The following LRMDA variants were observed in gnomAD, a reference collection of about 807,000 sequenced individuals.
The protein encoded by LRMDA is leucine-rich melanocyte differentiation-associated protein.
A neutral mutation model predicts 29.8 loss-of-function variants in LRMDA; 18 were observed. The observed-to-expected ratio is 0.60, with a 90% confidence interval of 0.42 to 0.90. The LOEUF (loss-of-function observed/expected upper bound fraction) is 0.90, where lower values mean the gene tolerates loss of function less well. Ranked by LOEUF, LRMDA falls within the 40% of genes least tolerant of loss-of-function variation. The pLI is 0.00. For synonymous variants in LRMDA, 125 were observed against 109.4 expected (o/e 1.14, Z -0.89); for missense variants, 273 against 273.9 (o/e 1.00, Z 0.02).
chr10:76,058,300 G>A (rs1372560124), intron 4 of LRMDA, among the ~76,000 whole-genome samples: 1 of 152,156 alleles, frequency 6.6e-6, no homozygotes, highest in Non-Finnish European at 1.5e-5. Flanking sequence ...TCAATTTATA[G>A]GTTTATTTTA....
chr10:76,547,036 G>C (rs1341439839), intron 6 of LRMDA, among the ~76,000 whole-genome samples: 2 of 152,114 alleles, frequency 1.3e-5, no homozygotes, highest in East Asian at 3.9e-4. Flanking sequence ...GACAATGCTA[G>C]GTAGATTTGT....
intron 2 of LRMDA, among the ~76,000 whole-genome samples, chr10:75,483,260 T>C (rs1844872971): frequency 6.6e-6 from 1 of 152,196 alleles, no homozygotes. Flanking sequence ...CATTTCTTTA[T>C]ATAGATTGCT....
intron 2 of LRMDA, among the ~76,000 whole-genome samples, chr10:75,806,247 C>T (rs1263427374): frequency 6.6e-6 from 1 of 152,180 alleles, no homozygotes; most frequent in Non-Finnish European, 1.5e-5. Context: ...GATTGTAATT[C>T]AACATGAGAT....
chr10:76,207,685 C>T lies in LRMDA; in HGVS notation c.517-116716C>T, dbSNP rs139442374. On this transcript the variant is annotated intron_variant, in intron 5 of 6. Coordinates refer to ENST00000611255, the MANE Select transcript of LRMDA (RefSeq NM_001305581.2). ...TCCATAAAATATGCTCACTGGTGGT[C>T]GGGTGTGGTGGCTCATGCCTGTAAT... 4.4e-3 allele frequency among the ~76,000 whole-genome samples: 667 copies of T among 152,176 alleles called. 8 individuals are homozygous for T. The highest frequency in any genetic ancestry group is 0.015 in the African/African-American group (625 of 41,550).
At chr10:75,480,716 A>G (rs1167702793) in intron 2 of LRMDA, among the ~76,000 whole-genome samples, 3 of 152,238 alleles carry the variant, frequency 2.0e-5, no homozygotes, top group Admixed American at 6.5e-5. Context: ...TACTTTAGAA[A>G]GATCACTGTG....
At chr10:75,544,199 T>A (rs1032096634) in intron 2 of LRMDA, among the ~76,000 whole-genome samples, 1 of 152,200 alleles carries the variant, frequency 6.6e-6, no homozygotes, top group African/African-American at 2.4e-5. Context: ...AGATTAGTAT[T>A]AATGGAGCTT....
chr10:76,450,000 T>C (rs537405256), intron 6 of LRMDA, among the ~76,000 whole-genome samples: 41 of 152,226 alleles, frequency 2.7e-4, no homozygotes, highest in African/African-American at 8.9e-4. Flanking sequence ...TTAATTGATT[T>C]CAAAGTTCCT....
intron 6 of LRMDA, among the ~76,000 whole-genome samples, chr10:76,390,670 A>C (rs906394212): frequency 3.9e-5 from 6 of 152,060 alleles, no homozygotes; most frequent in Non-Finnish European, 7.4e-5. Context: ...CAAAATCCTT[A>C]AACTGCCTGT....
At chr10:76,054,961 G>A (rs994742833) in intron 4 of LRMDA, among the ~76,000 whole-genome samples, 1 of 149,714 alleles carries the variant, frequency 6.7e-6, no homozygotes, top group African/African-American at 2.5e-5. Flanking sequence ...CTACTTGGGA[G>A]GCTGAGACAG....
intron 2 of LRMDA, among the ~76,000 whole-genome samples, chr10:75,521,562 G>T (rs1845359479): frequency 6.6e-6 from 1 of 152,210 alleles, no homozygotes; most frequent in African/African-American, 2.4e-5. Flanking sequence ...TAGACCATGG[G>T]AAAAGTGCAG....
intron 6 of LRMDA, among the ~76,000 whole-genome samples, chr10:76,430,926 T>A (rs1842184179): frequency 6.6e-6 from 1 of 152,196 alleles, no homozygotes; most frequent in Admixed American, 6.5e-5. Flanking sequence ...TTATATCCAT[T>A]TCTCCATCTG....
intron 2 of LRMDA, among the ~76,000 whole-genome samples, chr10:75,977,304 G>A (rs752688672): frequency 5.9e-5 from 9 of 152,216 alleles, no homozygotes; most frequent in East Asian, 1.9e-4. Context: ...TATGCTTTTC[G>A]TAATGTTGCA....
At chr10:75,806,694 C>A (rs1286781081) in intron 2 of LRMDA, among the ~76,000 whole-genome samples, 2 of 150,730 alleles carry the variant, frequency 1.3e-5, no homozygotes, top group South Asian at 4.2e-4. Flanking sequence ...CCGAGTACCC[C>A]TTACAAATTG....
intron 2 of LRMDA, among the ~76,000 whole-genome samples, chr10:75,446,266 G>C (rs987350285): frequency 6.6e-6 from 1 of 152,234 alleles, no homozygotes; most frequent in Non-Finnish European, 1.5e-5. Flanking sequence ...TTGGTTAACT[G>C]ACTGTGGGCT....
intron 2 of LRMDA, among the ~76,000 whole-genome samples, chr10:75,706,362 G>A (rs1404823531): frequency 2.6e-5 from 4 of 152,036 alleles, no homozygotes; most frequent in Non-Finnish European, 5.9e-5. Flanking sequence ...TTGGGCTGAT[G>A]AGACACCATT....
At chr10:76,447,395 A>C (rs1006159253) in intron 6 of LRMDA, among the ~76,000 whole-genome samples, 1 of 152,106 alleles carries the variant, frequency 6.6e-6, no homozygotes, top group Non-Finnish European at 1.5e-5. Flanking sequence ...TTCTGTGGAT[A>C]TCTTCTTGGT....
chr10:75,830,721 C>T (rs966201831), intron 2 of LRMDA, among the ~76,000 whole-genome samples: 1 of 152,184 alleles, frequency 6.6e-6, no homozygotes, highest in Non-Finnish European at 1.5e-5. Flanking sequence ...GGTGGGGACA[C>T]AGAGTCAAAC....
chr10:75,858,600 T>C (rs116779151), intron 2 of LRMDA, among the ~76,000 whole-genome samples: 3,555 of 152,278 alleles, frequency 0.023, 132 homozygotes, highest in African/African-American at 0.081. Context: ...GCCACAGTCC[T>C]TGCTCTACAT....
Position 75,864,409 on chromosome 10 carries a change from C to T in LRMDA, c.132-171599C>T, listed in dbSNP as rs143849986. ...CCTGAGTGTGAGTCCTAACCCTTCCCAAGACACAGAGGCCTAGGGGAACCT... is the reference window on the plus strand; with the variant it reads ...CCTGAGTGTGAGTCCTAACCCTTCCTAAGACACAGAGGCCTAGGGGAACCT... On this transcript the variant is annotated intron_variant, in intron 2 of 6. Transcript: ENST00000611255. 1.5e-3 allele frequency among the ~76,000 whole-genome samples: 224 copies of T among 152,254 alleles called. 1 individual carries two copies. In the South Asian group the frequency reaches 0.018, roughly 13 times the overall value.
Sources: allele counts gnomAD v4.1 joint callset (sites outside exome capture counted in the v4.1 genomes callset), GRCh38; gene constraint gnomAD v4.1.1; transcripts MANE v1.5; gene names NCBI Gene and HGNC (gene_info 2026-07-23, HGNC 2026-07-21).